Variants in DYNC2H1 observed in about 807,000 individuals in gnomAD.
The protein encoded by DYNC2H1 is dynein cytoplasmic 2 heavy chain 1, also known as cytoplasmic dynein 2 heavy chain 1.
A neutral mutation model predicts 570.0 loss-of-function variants in DYNC2H1; 410 were observed. The ratio of observed to expected loss-of-function variants is 0.72; its 90% CI spans 0.66 to 0.78. The LOEUF (loss-of-function observed/expected upper bound fraction) is 0.78. Ranked by LOEUF, DYNC2H1 falls within the 30% of genes least tolerant of loss-of-function variation. The pLI, the probability that DYNC2H1 is intolerant of heterozygous loss-of-function variation, is 0.00. For synonymous variants in DYNC2H1, 1,688 were observed against 1,677.6 expected, an observed-to-expected ratio of 1.01 and a Z score of -0.15; for missense variants, 4,865 against 5,046.4, an observed-to-expected ratio of 0.96 and a Z score of 1.09.
At position 103,325,640 on chromosome 11, in the gene DYNC2H1, A is replaced by G. The variant is rs1199521360; in HGVS notation, c.12039+1650A>G. On this transcript the variant is annotated intron_variant, in intron 82 of 88. Transcript: ENST00000375735. This position sits in a 1 kb window ranked among gnomAD's most constrained non-coding sequence, Gnocchi z 4.8. ...TACTGCTGTTAATACTTCTGATTGT[A>G]TTATGAAATTCTTGTAGTGAATTTT... is the stretch of plus-strand genomic sequence containing the variant. 6.6e-6 allele frequency among the ~76,000 whole-genome samples: 1 copy of G among 152,084 alleles called. No individual in the cohort carries two copies. The highest frequency in any genetic ancestry group is 1.5e-5 in the Non-Finnish European group (1 of 68,008).
In DYNC2H1 at chr11:103,275,978, G is replaced by C. The variant is rs959183394; in HGVS notation, c.10696-4370G>C. ...AGTGGCTGTACCCTTTTGCATTCCT[G>C]CCAGCAATTAATGAGGGTTTCTGTT... On this transcript the variant is annotated intron_variant, in intron 70 of 88. Transcript: ENST00000375735. This position sits in a 1 kb window ranked among gnomAD's most constrained non-coding sequence, Gnocchi z 4.8. 6.6e-6 allele frequency among the ~76,000 whole-genome samples: 1 copy of C among 152,102 alleles called. No individual in the cohort carries two copies. The highest frequency in any genetic ancestry group is 1.5e-5 in the Non-Finnish European group (1 of 68,026).
chr11:103,158,713 CACA>C lies in DYNC2H1; in HGVS notation c.4168_4170del (p.Thr1390del), dbSNP rs766537995. ...CTGATATCAAGAAAGACAATAGAGTCACAACATTAACTACTCATGCTGGAATAA... is the reference window on the plus strand; with the variant it reads ...CTGATATCAAGAAAGACAATAGAGTCACATTAACTACTCATGCTGGAATAA... On this transcript the variant is annotated inframe_deletion, in exon 27 of 89. Coordinates refer to ENST00000375735, the MANE Select transcript of DYNC2H1 (RefSeq NM_001377.3). The C allele has an allele frequency of 6.5e-7, 1 of 1,530,008 alleles. No homozygotes were observed. Among genetic ancestry groups the C allele is most frequent in the Non-Finnish European group, 8.8e-7 (1 of 1,130,396 alleles). 94.8% of individuals were successfully genotyped at this position (1,530,008 alleles called of 1,614,324 possible). A position where few individuals can be genotyped will look rare whatever the true frequency, so the allele number is the denominator to read the frequency against.
chr11:103,304,735 A>G lies in DYNC2H1; in HGVS notation c.11382+15A>G. ...TTCTGGAAAAGGTAGATTCAGATAAATGTACAAATAATATCTATTATACTC... is the reference window on the plus strand; with the variant it reads ...TTCTGGAAAAGGTAGATTCAGATAAGTGTACAAATAATATCTATTATACTC... On this transcript the variant is annotated intron_variant, in intron 77 of 88. Transcript: ENST00000375735. 1 of 1,595,806 alleles carries G rather than the reference A, an allele frequency of 6.3e-7. No homozygotes were observed. The highest frequency in any genetic ancestry group is 8.5e-7 in the Non-Finnish European group (1 of 1,172,510).
chr11:103,453,545 G>T (rs1167239909), intron 85 of DYNC2H1, among the ~76,000 whole-genome samples: 2 of 150,264 alleles, frequency 1.3e-5, no homozygotes, highest in Non-Finnish European at 3.0e-5. Flanking sequence ...TACTAAAAGA[G>T]CTTTCCCTTC....
intron 75 of DYNC2H1, among the ~76,000 whole-genome samples, chr11:103,295,803 C>A (rs557000374): frequency 6.6e-6 from 1 of 152,312 alleles, no homozygotes; most frequent in East Asian, 1.9e-4. Flanking sequence ...CCACTGTAAT[C>A]CTGCTTCAAG....
intron 78 of DYNC2H1, among the ~76,000 whole-genome samples, chr11:103,310,786 G>T (rs1304215182): frequency 6.8e-6 from 1 of 147,102 alleles, no homozygotes; most frequent in East Asian, 2.0e-4. Flanking sequence ...TGCCTCCTGG[G>T]TTCAGGCAAT....
intron 47 of DYNC2H1, among the ~76,000 whole-genome samples, chr11:103,192,825 A>C (rs1422248426): frequency 6.6e-6 from 1 of 152,190 alleles, no homozygotes; most frequent in Non-Finnish European, 1.5e-5. Context: ...TATGAAAGTC[A>C]TCCTTGTGAG....
chr11:103,376,830 G>A (rs1941412181), intron 83 of DYNC2H1, among the ~76,000 whole-genome samples: 1 of 152,188 alleles, frequency 6.6e-6, no homozygotes, highest in South Asian at 2.1e-4. Context: ...CTCTAGTAGT[G>A]ACGAATTACC....
chr11:103,361,970 A>G (rs1184258056), intron 83 of DYNC2H1, among the ~76,000 whole-genome samples: 1 of 152,186 alleles, frequency 6.6e-6, no homozygotes, highest in Non-Finnish European at 1.5e-5. Context: ...AGTAAAGTTT[A>G]GGTGGAATAA....
At chr11:103,376,859 G>T (rs1941413723) in intron 83 of DYNC2H1, among the ~76,000 whole-genome samples, 1 of 152,162 alleles carries the variant, frequency 6.6e-6, no homozygotes, top group Admixed American at 6.6e-5. Flanking sequence ...TAATTATCTG[G>T]TAAGGTCTTT....
rs1944434795 is a variant in DYNC2H1 at position 103,446,688 on chromosome 11, A to G, written c.12457-8498A>G. The stretch of plus-strand genomic sequence containing the variant: ...TTTTGGTTTGGTTTTGTTTTTTAAT[A>G]TAGGGGATTTTTGACCATATCTGTG... On this transcript the variant is annotated intron_variant, in intron 85 of 88. Transcript: ENST00000375735. This position sits in a 1 kb window ranked among gnomAD's most constrained non-coding sequence, Gnocchi z 4.5. 6.6e-6 allele frequency among the ~76,000 whole-genome samples: 1 copy of G among 152,070 alleles called. No individual in the cohort carries two copies. Among genetic ancestry groups the G allele is most frequent in the Non-Finnish European group, 1.5e-5 (1 of 67,994 alleles).
intron 70 of DYNC2H1, among the ~76,000 whole-genome samples, chr11:103,265,396 AAGAT>A (rs147373812): frequency 0.017 from 2,555 of 152,268 alleles, 30 homozygotes; most frequent in Non-Finnish European, 0.024. Flanking sequence ...ACAGAAAAGA[AAGAT>A]AGTCTTCAAG....
rs925002581 is a variant in DYNC2H1, at chr11:103,145,435, A to G, written c.2702+2040A>G. ...CTGTTGGGCCTTGCCTTTGATCCCA[A>G]TCTTGCCCATCTTCTTTGACTTAAT... On this transcript the variant is annotated intron_variant, in intron 18 of 88. Transcript: ENST00000375735. The surrounding 1 kb of genome is among the most constrained non-coding windows in gnomAD (Gnocchi z 4.2). Among the ~76,000 whole-genome samples, 2 of 152,078 alleles carry G rather than the reference A, an allele frequency of 1.3e-5. No individual in the cohort carries two copies. The highest frequency in any genetic ancestry group is 2.1e-4 in the South Asian group (1 of 4,830).
At chr11:103,202,033 A>T (rs993672925) in intron 50 of DYNC2H1, among the ~76,000 whole-genome samples, 1 of 152,180 alleles carries the variant, frequency 6.6e-6, no homozygotes. Flanking sequence ...TTCAGAATTT[A>T]ACAGCTTTGG....
At chr11:103,167,970 A>G (rs192599121) in intron 31 of DYNC2H1, among the ~76,000 whole-genome samples, 1 of 152,296 alleles carries the variant, frequency 6.6e-6, no homozygotes, top group African/African-American at 2.4e-5. Flanking sequence ...CACCTTGGGA[A>G]TGAGTCCAGG....
Position 103,143,292 on chromosome 11 carries a change from G to T in DYNC2H1, c.2599G>T (p.Asp867Tyr). The change falls in exon 18 of 89, where the codon GAT becomes TAT. Residue 867 changes from aspartate (D) to tyrosine (Y), a missense_variant. This residue lies in a region of DYNC2H1 where 1,936 missense variants were observed against 1,962.1 expected (regional missense o/e 0.99). Coordinates refer to ENST00000375735, the MANE Select transcript of DYNC2H1 (RefSeq NM_001377.3). The stretch of plus-strand genomic sequence containing the variant: ...GGAATGGATTGTAATTGGGCAAGTT[G>T]ATATGGAAGCTCTGGTGGAAAAGCA... ...HKEWIVIGQV[D>Y]MEALVEKHLF... The T allele has an allele frequency of 6.2e-7, 1 of 1,613,388 alleles. No homozygotes were observed. The highest frequency in any genetic ancestry group is 8.5e-7 in the Non-Finnish European group (1 of 1,179,614).
rs894759827 is a variant in DYNC2H1, at chr11:103,209,174, T to G, written c.8455-702T>G. Among the ~76,000 whole-genome samples the G allele has an allele frequency of 6.6e-6, 1 of 152,094 alleles. No homozygotes were observed. Among genetic ancestry groups the G allele is most frequent in the Non-Finnish European group, 1.5e-5 (1 of 67,982 alleles). ...CCTAATTACCAAGATCACTTGTGTT[T>G]TCTTCTTGCTGGTAACTTCAGCTCT... is the stretch of plus-strand genomic sequence containing the variant. On this transcript the variant is annotated intron_variant, in intron 52 of 88. Coordinates refer to ENST00000375735, the MANE Select transcript of DYNC2H1 (RefSeq NM_001377.3). This position sits in a 1 kb window ranked among gnomAD's most constrained non-coding sequence, Gnocchi z 4.2.
chr11:103,434,240 A>C (rs1266455584), intron 84 of DYNC2H1, among the ~76,000 whole-genome samples: 1 of 152,060 alleles, frequency 6.6e-6, no homozygotes, highest in Non-Finnish European at 1.5e-5. Context: ...AGTTTTTCTG[A>C]AACTGGGAGT....
chr11:103,263,572 C>G (rs1254247985), intron 70 of DYNC2H1, among the ~76,000 whole-genome samples: 1 of 152,118 alleles, frequency 6.6e-6, no homozygotes, highest in Non-Finnish European at 1.5e-5. Flanking sequence ...CAAAACTGCA[C>G]AACTACATGG....
Sources: allele counts gnomAD v4.1 joint callset (sites outside exome capture counted in the v4.1 genomes callset), GRCh38; gene constraint gnomAD v4.1.1; regional missense constraint gnomAD v4.1.1; non-coding constraint Gnocchi (gnomAD v3.1); transcripts MANE v1.5; gene names NCBI Gene and HGNC (gene_info 2026-07-23, HGNC 2026-07-21).